Variants in GGA2 observed in about 807,000 individuals in gnomAD.
GGA2 encodes the protein ADP-ribosylation factor-binding protein GGA2.
In GGA2, 48 loss-of-function variants were observed where a neutral mutation model predicts 79.5. The observed-to-expected ratio is 0.60, with a 90% CI of 0.48 to 0.77. The LOEUF (loss-of-function observed/expected upper bound fraction) is 0.77. Among genes scored for constraint, GGA2 ranks in the 30% least tolerant of loss-of-function variants. The pLI is 0.00. For synonymous variants in GGA2, 317 were observed against 302.0 expected (o/e 1.05, Z -0.51); for missense variants, 770 against 774.0 (o/e 0.99, Z 0.06).
In GGA2 at chr16:23,465,493, C is replaced by T. The variant is rs1596971141; in HGVS notation, c.*2097G>A. The T allele has an allele frequency of 8.6e-6, 6 of 694,522 alleles. No individual in the cohort carries two copies. Among genetic ancestry groups the T allele is most frequent in the South Asian group, 6.0e-5 (4 of 66,252 alleles). 43.0% of individuals were successfully genotyped at this position (694,522 alleles called of 1,614,324 possible). A position where few individuals can be genotyped will look rare whatever the true frequency, so the allele number is the denominator to read the frequency against. On this transcript the variant is annotated 3_prime_UTR_variant, in exon 17 of 17. Coordinates refer to ENST00000309859, the MANE Select transcript of GGA2 (RefSeq NM_015044.4). The stretch of plus-strand genomic sequence containing the variant: ...CCTCAAAAGCAAGAATGTTCAGGTA[C>T]ACATGTGTGAGTTCACCTCCTAACT...
intron 8 of GGA2, among the ~76,000 whole-genome samples, chr16:23,484,543 G>A (rs1385426035): frequency 1.3e-5 from 2 of 152,194 alleles, no homozygotes; most frequent in Non-Finnish European, 2.9e-5. Flanking sequence ...AAAAACGCTT[G>A]TAACTCAAAA....
At position 23,502,529 on chromosome 16, in the gene GGA2, C is replaced by T. The variant is rs538754889; in HGVS notation, c.92-6751G>A. Among the ~76,000 whole-genome samples the T allele has an allele frequency of 2.0e-5, 3 of 152,318 alleles. No individual in the cohort carries two copies. The East Asian group carries it at 5.8e-4, about 29-fold the overall frequency. Reference sequence around the variant, plus strand: ...TGCATTGTATGGTCTCAGCAATTGTCAACAAAAGCCTCTTAATAATTCTAA... The same window carrying T: ...TGCATTGTATGGTCTCAGCAATTGTTAACAAAAGCCTCTTAATAATTCTAA... On this transcript the variant is annotated intron_variant, in intron 1 of 16. Transcript: ENST00000309859.
chr16:23,501,034 C>T, intron 1 of GGA2: 2 of 347,662 alleles, frequency 5.8e-6, no homozygotes, highest in Non-Finnish European at 1.1e-5. Flanking sequence ...GTGACTTGGG[C>T]AATATATTAC....
At chr16:23,491,636 C>T (rs758665279) in intron 5 of GGA2, 41 bp downstream of exon 5, 1 of 1,598,794 alleles carries the variant, frequency 6.3e-7, no homozygotes, top group African/African-American at 1.3e-5. Flanking sequence ...AAGATACAGG[C>T]CTAGTCAAGA....
upstream of GGA2, among the ~76,000 whole-genome samples, chr16:23,513,485 GC>G (rs1196055380): frequency 6.6e-6 from 1 of 151,998 alleles, no homozygotes; most frequent in Non-Finnish European, 1.5e-5. Flanking sequence ...TTAAGAGTTG[GC>G]CATAAAGAAA....
chr16:23,469,894 A>G, intron 15 of GGA2, 102 bp downstream of exon 15: 1 of 832,150 alleles, frequency 1.2e-6, no homozygotes, highest in East Asian at 2.8e-5. Context: ...AGTTAGTTTG[A>G]GTGAAGATTC....
intron 2 of GGA2, among the ~76,000 whole-genome samples, chr16:23,494,998 C>A (rs959271384): frequency 2.0e-5 from 3 of 151,784 alleles, no homozygotes; most frequent in Non-Finnish European, 4.4e-5. Context: ...GGCAGGAGAA[C>A]CACTTGAACC....
intron 1 of GGA2, among the ~76,000 whole-genome samples, chr16:23,521,578 T>C (rs555461403): frequency 1.3e-5 from 2 of 152,258 alleles, no homozygotes; most frequent in East Asian, 3.9e-4. Context: ...TTTAAATTTT[T>C]TGTAGAGACA....
intron 3 of GGA2, chr16:23,493,956 CCATACT>C: frequency 2.9e-6 from 1 of 349,860 alleles, no homozygotes; most frequent in Non-Finnish European, 5.3e-6. Flanking sequence ...AACCCTGAGC[CCATACT>C]CATACCTGCC....
At position 23,469,003 on chromosome 16, in the gene GGA2, G is replaced by A; in HGVS notation, c.1621-7C>T. On this transcript the variant is annotated splice_region_variant and splice_polypyrimidine_tract_variant and intron_variant, in intron 15 of 16. Transcript: ENST00000309859. Reference sequence around the variant, plus strand: ...GCAGCTTCACTCTCATTGACTATCAGGGGAAGAAAACCAACATGTAACTCA... The same window carrying A: ...GCAGCTTCACTCTCATTGACTATCAAGGGAAGAAAACCAACATGTAACTCA... The A allele has an allele frequency of 6.4e-7, 1 of 1,573,474 alleles. No individual in the cohort carries two copies. Among genetic ancestry groups the A allele is most frequent in the Non-Finnish European group, 8.7e-7 (1 of 1,143,188 alleles).
At chr16:23,499,737 C>T (rs778373151) in intron 1 of GGA2, among the ~76,000 whole-genome samples, 1 of 152,212 alleles carries the variant, frequency 6.6e-6, no homozygotes, top group Non-Finnish European at 1.5e-5. Context: ...GTTAGGATTA[C>T]AGATGTGAGC....
rs1964451036 is a variant in GGA2, at chr16:23,467,387, A to ACACACACACACACACACACAC, written c.*202_*203insGTGTGTGTGTGTGTGTGTGTG. The ACACACACACACACACACACAC allele has an allele frequency of 3.2e-6, 1 of 308,086 alleles. No individual in the cohort carries two copies. The highest frequency in any genetic ancestry group is 2.9e-5 in the African/African-American group (1 of 34,512). The allele number at this position is 308,086 out of a possible 1,614,324, so 19.1% of individuals were successfully genotyped here. A position where few individuals can be genotyped will look rare whatever the true frequency, so the allele number is the denominator to read the frequency against. On this transcript the variant is annotated 3_prime_UTR_variant, in exon 17 of 17. Coordinates refer to ENST00000309859, the MANE Select transcript of GGA2 (RefSeq NM_015044.4). ...GCCCTGTGCTACCACCCTCTCCCCG[A>ACACACACACACACACACACAC]ACACACACACACACACACACACACA...
chr16:23,502,014 CCA>C (rs1232584722), intron 1 of GGA2, among the ~76,000 whole-genome samples: 1 of 152,178 alleles, frequency 6.6e-6, no homozygotes, highest in Admixed American at 6.5e-5. Context: ...CCAGTGATGT[CCA>C]CAGTCACCCA....
intron 13 of GGA2, among the ~76,000 whole-genome samples, 160 bp downstream of exon 13, chr16:23,478,208 A>G (rs4968007): frequency 0.69 from 91,079 of 132,894 alleles, 30,818 homozygotes; most frequent in Middle Eastern, 0.78. Flanking sequence ...CAAAAAAAAA[A>G]AAAAAAGAAA....
Position 23,465,418 on chromosome 16 carries a change from C to T in GGA2, c.*2172G>A, listed in dbSNP as rs1490258442. ...AGCAGCCTGCCTCCTCTCCTCCTACCCCTATCCTGTCCAACACCTAAGCAT... is the reference window on the plus strand; with the variant it reads ...AGCAGCCTGCCTCCTCTCCTCCTACTCCTATCCTGTCCAACACCTAAGCAT... On this transcript the variant is annotated 3_prime_UTR_variant, in exon 17 of 17. Transcript: ENST00000309859. 4.3e-6 allele frequency: 3 copies of T among 702,904 alleles called. No individual in the cohort carries two copies. In the Admixed American group the frequency reaches 6.0e-5, roughly 14 times the overall value. The allele number at this position is 702,904 out of a possible 1,614,324, so 43.5% of individuals were successfully genotyped here.
chr16:23,513,265 C>G (rs189814105), upstream of GGA2, among the ~76,000 whole-genome samples: 1 of 92,852 alleles, frequency 1.1e-5, no homozygotes, highest in Non-Finnish European at 2.5e-5. Flanking sequence ...TTTGGCATAG[C>G]GAGTACTTTG....
chr16:23,504,289 G>T (rs1267942426), intron 1 of GGA2, among the ~76,000 whole-genome samples: 2 of 152,184 alleles, frequency 1.3e-5, no homozygotes, highest in Non-Finnish European at 2.9e-5. Flanking sequence ...TTGCGGTGAG[G>T]TCTTCAGTTC....
rs994116759 is a variant in GGA2, at chr16:23,491,788, A to G, written c.364T>C (p.Trp122Arg). The change falls in exon 5 of 17, where the codon TGG (tryptophan) becomes CGG (arginine). Residue 122 changes from tryptophan to arginine, a missense_variant. By Grantham distance (101) the Trp-to-Arg change is moderately radical (BLOSUM62 -3). Coordinates refer to ENST00000309859, the MANE Select transcript of GGA2 (RefSeq NM_015044.4). ...KVLSPKYLGSWATGKVKGRVI... is the reference protein window; with the variant it reads ...KVLSPKYLGSRATGKVKGRVI... ...CTTCCTTTAACTTTTCCTGTGGCCC[A>G]GGACCCCAGGTACTGAAAGTAAAAA... is the stretch of plus-strand genomic sequence containing the variant. 1 of 1,609,770 alleles carries G rather than the reference A, an allele frequency of 6.2e-7. No homozygotes were observed. The highest frequency in any genetic ancestry group is 8.5e-7 in the Non-Finnish European group (1 of 1,176,140).
At chr16:23,504,991 CG>C (rs2142142909) in intron 1 of GGA2, among the ~76,000 whole-genome samples, 1 of 152,284 alleles carries the variant, frequency 6.6e-6, no homozygotes, top group African/African-American at 2.4e-5. Flanking sequence ...AACCAACCAC[CG>C]GGGTCATGAC....
Sources: gnomAD v4.1 joint callset for allele counts (sites outside exome capture counted in the v4.1 genomes callset) on GRCh38, gnomAD v4.1.1 for gene constraint, MANE v1.5 for transcripts, NCBI Gene and HGNC (gene_info 2026-07-23, HGNC 2026-07-21) for gene names.